The following MMS22L variants were observed in gnomAD, a reference collection of about 807,000 sequenced individuals.
The protein encoded by MMS22L is protein MMS22-like.
A neutral mutation model predicts 159.1 loss-of-function variants in MMS22L; 74 were observed. The ratio of observed to expected loss-of-function variants is 0.47; its 90% confidence interval spans 0.39 to 0.56. MMS22L has a LOEUF of 0.56. Among genes scored for constraint, MMS22L ranks in the 20% least tolerant of loss-of-function variants. The pLI is 0.00. For missense variants in MMS22L, 1,351 were observed against 1,422.1 expected (o/e 0.95, Z 0.80); for synonymous variants, 517 against 506.9 (o/e 1.02, Z -0.27).
chr6:97,255,581 ATCTT>A (rs1475218527), intron 9 of MMS22L, among the ~76,000 whole-genome samples: 5 of 151,884 alleles, frequency 3.3e-5, no homozygotes, highest in African/African-American at 4.8e-5. Context: ...TTCATTTGCA[ATCTT>A]TCTTTTTTCC....
chr6:97,172,932 T>A (rs1162907240), intron 19 of MMS22L, 131 bp downstream of exon 19: 1 of 789,092 alleles, frequency 1.3e-6, no homozygotes, highest in Non-Finnish European at 1.9e-6. Flanking sequence ...TTAAGCTAAA[T>A]CACTGTATTT....
chr6:97,165,243 T>C lies in MMS22L; in HGVS notation c.3221+3A>G. ...ACCACCTATATTTAATATTTAGATG[T>C]ACCTTATGACTTGCACAATGCATTT... On this transcript the variant is annotated splice_donor_region_variant and intron_variant, in intron 21 of 24. Transcript: ENST00000683635. 1 of 1,609,606 alleles carries C rather than the reference T, an allele frequency of 6.2e-7. No homozygotes were observed. The highest frequency in any genetic ancestry group is 8.5e-7 in the Non-Finnish European group (1 of 1,176,496).
chr6:97,217,983 G>A (rs1294725882), intron 14 of MMS22L, among the ~76,000 whole-genome samples: 1 of 152,070 alleles, frequency 6.6e-6, no homozygotes, highest in African/African-American at 2.4e-5. Flanking sequence ...TGTTCCTGCA[G>A]ACCCAGCCTT....
At chr6:97,277,382 C>T (rs1816337451) in intron 4 of MMS22L, among the ~76,000 whole-genome samples, 1 of 152,000 alleles carries the variant, frequency 6.6e-6, no homozygotes. Flanking sequence ...CCACTGCACT[C>T]CAGCCTGGGT....
chr6:97,167,006 A>G (rs1205978247), intron 20 of MMS22L, among the ~76,000 whole-genome samples: 2 of 152,180 alleles, frequency 1.3e-5, no homozygotes, highest in Non-Finnish European at 2.9e-5. Context: ...TTGAAAAAAG[A>G]TTGTTACATA....
chr6:97,160,639 T>G (rs559430975), intron 22 of MMS22L, among the ~76,000 whole-genome samples: 3 of 152,180 alleles, frequency 2.0e-5, no homozygotes, highest in South Asian at 2.1e-4. Flanking sequence ...ATGTATAAGT[T>G]AATATTCTTG....
chr6:97,265,120 G>A (rs912200023), intron 8 of MMS22L: 4 of 152,188 alleles, frequency 2.6e-5, no homozygotes, highest in African/African-American at 2.4e-5. Context: ...CAAAGCTCGA[G>A]GCATGACACT....
intron 14 of MMS22L, among the ~76,000 whole-genome samples, chr6:97,206,645 T>C (rs1365739326): frequency 6.6e-6 from 1 of 152,048 alleles, no homozygotes; most frequent in African/African-American, 2.4e-5. Context: ...CTTGGAGAAG[T>C]GGGGAAAGAC....
rs147848186 is a variant in MMS22L, at chr6:97,196,530, A to C, written c.2040-9840T>G. The stretch of plus-strand genomic sequence containing the variant: ...TTTGTATAATGTAACTATAGTATTG[A>C]TAAGGAACAGGTCATAGAGGATCAT... On this transcript the variant is annotated intron_variant, in intron 14 of 24. Transcript: ENST00000683635. 8.0e-3 allele frequency among the ~76,000 whole-genome samples: 1,218 copies of C among 152,264 alleles called. 12 individuals are homozygous for C. Among genetic ancestry groups the C allele is most frequent in the African/African-American group, 0.028 (1,161 of 41,556 alleles).
intron 24 of MMS22L, among the ~76,000 whole-genome samples, chr6:97,148,091 T>C (rs752952280): frequency 6.6e-5 from 10 of 152,174 alleles, no homozygotes; most frequent in Admixed American, 1.3e-4. Context: ...AAGATTATAA[T>C]GGTACTGAAA....
intron 10 of MMS22L, among the ~76,000 whole-genome samples, chr6:97,253,234 G>A (rs188968197): frequency 6.6e-4 from 101 of 152,172 alleles, no homozygotes; most frequent in Middle Eastern, 3.4e-3. Flanking sequence ...CCATTTCTAT[G>A]ATGCTATATT....
At chr6:97,239,137 C>T (rs1240132607) in intron 11 of MMS22L, among the ~76,000 whole-genome samples, 2 of 151,540 alleles carry the variant, frequency 1.3e-5, no homozygotes, top group Non-Finnish European at 2.9e-5. Context: ...ATCCCAGTTA[C>T]GATCCTTCTA....
chr6:97,144,107 A>ACAAC lies in MMS22L; in HGVS notation c.*2698_*2699insGTTG, dbSNP rs879169045. The stretch of plus-strand genomic sequence containing the variant: ...CAAAACAACAACAACAACAACAACA[A>ACAAC]AAAAAAAAAAAAAAAAAAAAAGAGA... On this transcript the variant is annotated 3_prime_UTR_variant, in exon 25 of 25. Transcript: ENST00000683635. The ACAAC allele has an allele frequency of 6.7e-4, 58 of 86,510 alleles. No individual in the cohort carries two copies. The highest frequency in any genetic ancestry group is 2.2e-3 in the African/African-American group (54 of 24,176). 5.4% of individuals were successfully genotyped at this position (86,510 alleles called of 1,614,324 possible).
chr6:97,234,458 T>C (rs577865499), intron 11 of MMS22L, among the ~76,000 whole-genome samples: 3 of 152,136 alleles, frequency 2.0e-5, no homozygotes, highest in African/African-American at 7.2e-5. Context: ...TTTTAGGAGA[T>C]AACAGGAGGA....
At chr6:97,267,680 A>T in intron 8 of MMS22L, 192 bp downstream of exon 8, 1 of 402,488 alleles carries the variant, frequency 2.5e-6, no homozygotes, top group Non-Finnish European at 4.2e-6. Context: ...AAAGCTCTAA[A>T]ATACCAATTC....
chr6:97,164,648 G>A (rs1044857374), intron 21 of MMS22L, among the ~76,000 whole-genome samples: 1 of 151,560 alleles, frequency 6.6e-6, no homozygotes, highest in Non-Finnish European at 1.5e-5. Flanking sequence ...ATGGTGTCTC[G>A]CTCTGTCACC....
At chr6:97,237,630 C>T (rs1179858654) in intron 11 of MMS22L, among the ~76,000 whole-genome samples, 1 of 152,186 alleles carries the variant, frequency 6.6e-6, no homozygotes, top group African/African-American at 2.4e-5. Context: ...ACCAAAGAGC[C>T]TCCATAAATG....
chr6:97,177,459 G>C (rs1481991327), intron 18 of MMS22L, among the ~76,000 whole-genome samples: 2 of 152,016 alleles, frequency 1.3e-5, no homozygotes, highest in East Asian at 3.8e-4. Flanking sequence ...ATATTATCTA[G>C]CATTCAGCAA....
chr6:97,265,423 A>G (rs912657136), intron 8 of MMS22L: 11 of 152,212 alleles, frequency 7.2e-5, no homozygotes, highest in East Asian at 1.9e-4. Context: ...GGGAAAAGCT[A>G]TATGACAATG....
Sources: allele counts gnomAD v4.1 joint callset (sites outside exome capture counted in the v4.1 genomes callset), GRCh38; gene constraint gnomAD v4.1.1; transcripts MANE v1.5; gene names NCBI Gene and HGNC (gene_info 2026-07-23, HGNC 2026-07-21).